IFI44: variants seen among roughly 807,000 people sequenced by gnomAD.
The protein encoded by IFI44 is interferon-induced protein 44.
Under a neutral mutation model 45.0 loss-of-function variants are expected in IFI44, and 42 were observed. The observed-to-expected ratio is 0.93, with a 90% CI of 0.73 to 1.21. IFI44 has a LOEUF of 1.21. Among genes scored for constraint, IFI44 ranks in the 50% most tolerant of loss-of-function variants. The pLI is 0.00. For synonymous variants in IFI44, 221 were observed against 188.6 expected, an observed-to-expected ratio of 1.17 and a Z score of -1.41; for missense variants, 623 against 525.8, an observed-to-expected ratio of 1.18 and a Z score of -1.81.
intron 8 of IFI44, 150 bp downstream of exon 8, chr1:78,663,028 T>A: frequency 6.7e-7 from 1 of 1,495,528 alleles, no homozygotes; most frequent in South Asian, 1.4e-5. Flanking sequence ...CCTGGATGCA[T>A]TTTTCCCTCC....
intron 5 of IFI44, among the ~76,000 whole-genome samples, chr1:78,657,825 C>A (rs1484458138): frequency 2.0e-5 from 3 of 152,106 alleles, no homozygotes; most frequent in African/African-American, 7.2e-5. Context: ...GTGTTTCAAT[C>A]CATTGTAGGT....
In IFI44 at chr1:78,659,354, A is replaced by G; in HGVS notation, c.883A>G (p.Ile295Val). 4 of 1,613,468 alleles carry G rather than the reference A, an allele frequency of 2.5e-6. No individual in the cohort carries two copies. The highest frequency in any genetic ancestry group is 2.5e-6 in the Non-Finnish European group (3 of 1,179,490). Reference protein sequence around the residue: ...ESIKLNHHDYIDSPSLKDRIH... With the variant: ...ESIKLNHHDYVDSPSLKDRIH... ...AATCAAATTAAATCATCATGACTAC[A>G]TTGATTCCCCATCGCTGAAGGACAG... The change falls in exon 6 of 9, where the codon ATT becomes GTT. Residue 295 changes from isoleucine (I) to valine (V), a missense_variant. Physicochemically the swap from Ile to Val is conservative, Grantham distance 29. Transcript: ENST00000370747.
chr1:78,654,181 C>A (rs926097411), intron 2 of IFI44, 62 bp from the exon 3 acceptor site: 1 of 868,450 alleles, frequency 1.2e-6, no homozygotes, highest in Non-Finnish European at 2.0e-6. Context: ...GATATTCATT[C>A]ATTCATTCAG....
intron 2 of IFI44, among the ~76,000 whole-genome samples, chr1:78,653,618 C>T (rs563354502): frequency 5.3e-5 from 8 of 152,088 alleles, no homozygotes; most frequent in South Asian, 2.1e-4. Context: ...ATTCTGAGCC[C>T]GTGCCTTATT....
intron 5 of IFI44, 106 bp from the exon 6 acceptor site, chr1:78,659,205 CT>C: frequency 3.4e-6 from 3 of 890,338 alleles, no homozygotes; most frequent in Non-Finnish European, 5.2e-6. Context: ...CTATTAGAGA[CT>C]TTTCTGTTTT....
rs1647615261 is a variant in IFI44 at position 78,663,885 on chromosome 1, A to G, written c.*74A>G. The G allele has an allele frequency of 6.9e-7, 1 of 1,442,926 alleles. No homozygotes were observed. Among genetic ancestry groups the G allele is most frequent in the African/African-American group, 1.4e-5 (1 of 70,578 alleles). 89.4% of individuals were successfully genotyped at this position (1,442,926 alleles called of 1,614,324 possible). A position where few individuals can be genotyped will look rare whatever the true frequency, so the allele number is the denominator to read the frequency against. ...TTCAGAAAGGAGAAAACACAGACCA[A>G]AGAGAAGTATCTAAGACCAAAGGGA... On this transcript the variant is annotated 3_prime_UTR_variant, in exon 9 of 9. Transcript: ENST00000370747.
intron 5 of IFI44, among the ~76,000 whole-genome samples, chr1:78,655,949 C>A (rs939549288): frequency 3.3e-5 from 5 of 151,992 alleles, no homozygotes; most frequent in Admixed American, 6.6e-5. Context: ...TTGGAGGTAG[C>A]GACTTTGGGA....
chr1:78,663,826 C>T lies in IFI44; in HGVS notation c.*15C>T, dbSNP rs747529604. ...GAAAAAAATAGATATGTGAAAGGTT[C>T]ACGTAAATTTCCTCACATCACAGAA... On this transcript the variant is annotated 3_prime_UTR_variant, in exon 9 of 9. Transcript: ENST00000370747. 4 of 1,609,912 alleles carry T rather than the reference C, an allele frequency of 2.5e-6. No individual in the cohort carries two copies. Among genetic ancestry groups the T allele is most frequent in the Non-Finnish European group, 3.4e-6 (4 of 1,178,298 alleles).
intron 8 of IFI44, 35 bp from the exon 9 acceptor site, chr1:78,663,730 A>C: frequency 6.2e-7 from 1 of 1,606,700 alleles, no homozygotes; most frequent in South Asian, 1.1e-5. Flanking sequence ...TTCCTGAGAT[A>C]ATCCACTAAG....
intron 2 of IFI44, among the ~76,000 whole-genome samples, chr1:78,652,360 C>T (rs188429893): frequency 4.6e-5 from 7 of 152,290 alleles, no homozygotes; most frequent in African/African-American, 1.7e-4. Context: ...GGATAACAGG[C>T]GTGAGCCACC....
Position 78,660,577 on chromosome 1 carries a change from A to AC in IFI44, c.1037dup (p.His347SerfsTer4). 1.2e-6 allele frequency: 2 copies of AC among 1,613,492 alleles called. No individual in the cohort carries two copies. The highest frequency in any genetic ancestry group is 2.2e-5 in the East Asian group (1 of 44,842). On this transcript the variant is annotated frameshift_variant, in exon 7 of 9. Transcript: ENST00000370747. LOFTEE classifies it high-confidence loss of function. ...AGGTGTGGTACATGTGGCTTTGCTC[A>AC]CTCATGTGGATAGCATGGATTTGAT...
At chr1:78,652,980 T>G (rs1038384996) in intron 2 of IFI44, among the ~76,000 whole-genome samples, 5 of 152,160 alleles carry the variant, frequency 3.3e-5, no homozygotes, top group African/African-American at 1.2e-4. Context: ...CATTTTGTTT[T>G]ATTTTTAGAT....
At chr1:78,651,593 C>T (rs1428168340) in intron 2 of IFI44, among the ~76,000 whole-genome samples, 1 of 152,136 alleles carries the variant, frequency 6.6e-6, no homozygotes, top group East Asian at 1.9e-4. Context: ...GGGACCCCTG[C>T]CATATGGTAT....
intron 5 of IFI44, among the ~76,000 whole-genome samples, chr1:78,657,409 G>A (rs7514391): frequency 0.58 from 88,344 of 151,782 alleles, 26,095 homozygotes; most frequent in Middle Eastern, 0.65. Context: ...TCTGTTTTCT[G>A]TGTGTCCTGA....
chr1:78,659,289 C>A, intron 5 of IFI44, 23 bp from the exon 6 acceptor site: 1 of 1,581,372 alleles, frequency 6.3e-7, no homozygotes, highest in Non-Finnish European at 8.7e-7. Context: ...GAATTAATAT[C>A]TTGCTTTATG....
At chr1:78,658,660 A>G (rs1647288468) in intron 5 of IFI44, among the ~76,000 whole-genome samples, 1 of 152,102 alleles carries the variant, frequency 6.6e-6, no homozygotes. Context: ...CCCTCTTCCC[A>G]TTAGTAACCA....
intron 3 of IFI44, among the ~76,000 whole-genome samples, chr1:78,654,768 T>G (rs996723873): frequency 1.3e-5 from 2 of 152,048 alleles, no homozygotes; most frequent in Non-Finnish European, 2.9e-5. Context: ...TTACTTATCT[T>G]TAGATTTATA....
intron 7 of IFI44, 93 bp downstream of exon 7, chr1:78,660,747 G>C (rs757552428): frequency 1.2e-6 from 1 of 858,726 alleles, no homozygotes; most frequent in South Asian, 1.4e-5. Context: ...AGCAGCTACT[G>C]GGTTTAAGAA....
chr1:78,663,405 G>T, intron 8 of IFI44: 1 of 985,108 alleles, frequency 1.0e-6, no homozygotes, highest in Non-Finnish European at 1.2e-6. Context: ...ACCGCATTTA[G>T]TATTACATAA....
Sources: allele counts gnomAD v4.1 joint callset (sites outside exome capture counted in the v4.1 genomes callset), GRCh38; gene constraint gnomAD v4.1.1; transcripts MANE v1.5; gene names NCBI Gene and HGNC (gene_info 2026-07-23, HGNC 2026-07-21).